The following PLEKHA5 variants were observed in gnomAD, a reference collection of about 807,000 sequenced individuals.
PLEKHA5 encodes the protein pleckstrin homology domain-containing family A member 5.
Under a neutral mutation model 181.9 loss-of-function variants are expected in PLEKHA5, and 55 were observed. That is an observed-to-expected ratio of 0.30 (90% CI 0.24 to 0.38). The LOEUF (loss-of-function observed/expected upper bound fraction) is 0.38. PLEKHA5 is among the 10% of genes least tolerant of loss of function. The pLI, the probability that PLEKHA5 is intolerant of heterozygous loss-of-function variation, is 1.00. For missense variants in PLEKHA5, 1,432 were observed against 1,549.5 expected (o/e 0.92, Z 1.27); for synonymous variants, 535 against 529.4 (o/e 1.01, Z -0.15).
intron 10 of PLEKHA5, among the ~76,000 whole-genome samples, chr12:19,271,217 T>C (rs982491303): frequency 2.0e-5 from 3 of 152,112 alleles, no homozygotes; most frequent in Non-Finnish European, 4.4e-5. Flanking sequence ...GAGAATTCAT[T>C]TAAAATCTTC....
intron 3 of PLEKHA5, among the ~76,000 whole-genome samples, chr12:19,187,033 G>A (rs924262829): frequency 2.0e-5 from 3 of 152,110 alleles, no homozygotes; most frequent in Non-Finnish European, 4.4e-5. Flanking sequence ...TTGGTTCACT[G>A]ATGTATCAAG....
intron 3 of PLEKHA5, among the ~76,000 whole-genome samples, chr12:19,240,902 A>C (rs1392868250): frequency 6.6e-6 from 1 of 152,154 alleles, no homozygotes; most frequent in Non-Finnish European, 1.5e-5. Context: ...GTGACTCTGC[A>C]ACTTTTCGAG....
At chr12:19,269,534 G>A (rs1231569452) in intron 8 of PLEKHA5, among the ~76,000 whole-genome samples, 1 of 146,046 alleles carries the variant, frequency 6.8e-6, no homozygotes, top group Admixed American at 6.9e-5. Context: ...TTTAATTTTA[G>A]AGTGTGCACA....
intron 3 of PLEKHA5, among the ~76,000 whole-genome samples, chr12:19,163,417 T>C (rs1290217690): frequency 1.3e-5 from 2 of 152,094 alleles, no homozygotes; most frequent in African/African-American, 4.8e-5. Flanking sequence ...GACCTCGTGA[T>C]CCGCCCACCT....
At chr12:19,186,224 C>T (rs569971935) in intron 3 of PLEKHA5, among the ~76,000 whole-genome samples, 6 of 152,124 alleles carry the variant, frequency 3.9e-5, no homozygotes, top group Non-Finnish European at 5.9e-5. Flanking sequence ...TAGAAAATGA[C>T]GATATATAGA....
At chr12:19,294,544 C>T (rs1201354357) in intron 15 of PLEKHA5, among the ~76,000 whole-genome samples, 3 of 152,094 alleles carry the variant, frequency 2.0e-5, no homozygotes, top group African/African-American at 4.8e-5. Flanking sequence ...CTTACTCTGC[C>T]TCCCCTAATA....
intron 3 of PLEKHA5, among the ~76,000 whole-genome samples, chr12:19,230,986 T>G (rs1386502830): frequency 1.3e-5 from 2 of 152,244 alleles, no homozygotes; most frequent in African/African-American, 2.4e-5. Context: ...GTTGCAGAGA[T>G]AGAATTGTCT....
At chr12:19,348,596 C>A in intron 25 of PLEKHA5, 77 bp downstream of exon 25, 5 of 1,130,172 alleles carry the variant, frequency 4.4e-6, no homozygotes, top group Non-Finnish European at 6.2e-6. Context: ...TAGTAAATTC[C>A]ATTTACATGT....
intron 3 of PLEKHA5, among the ~76,000 whole-genome samples, chr12:19,140,665 A>G (rs1179546548): frequency 2.0e-5 from 3 of 152,172 alleles, no homozygotes; most frequent in Non-Finnish European, 2.9e-5. Flanking sequence ...ATTGTAAGAA[A>G]AGCAAGCCTC....
At chr12:19,284,493 T>C (rs1163427788) in intron 12 of PLEKHA5, among the ~76,000 whole-genome samples, 1 of 152,260 alleles carries the variant, frequency 6.6e-6, no homozygotes, top group African/African-American at 2.4e-5. Context: ...GTGTTAACTT[T>C]ATCTTCTAAC....
intron 29 of PLEKHA5, 49 bp from the exon 30 acceptor site, chr12:19,365,915 A>T: frequency 7.5e-7 from 1 of 1,342,254 alleles, no homozygotes. Context: ...AGAAAAATTA[A>T]TTGTATTCTA....
intron 15 of PLEKHA5, among the ~76,000 whole-genome samples, chr12:19,298,408 C>CTTTTTTTTTTTTTTTTTTT (rs533661916): frequency 1.9e-5 from 2 of 106,332 alleles, no homozygotes; most frequent in African/African-American, 7.4e-5. Flanking sequence ...ATTTTTTTAG[C>CTTTTTTTTTTTTTTTTTTT]TTTTTTTTTT....
Position 19,274,584 on chromosome 12 carries a change from TA to T in PLEKHA5, c.916del (p.Ile306LeufsTer14). On this transcript the variant is annotated frameshift_variant, in exon 11 of 32. Transcript: ENST00000429027. LOFTEE classifies it high-confidence loss of function. ...AATAACATTCCCAACCATAGAGTGC[TA>T]ATTAAACCAGAGATCCAAAACAATC... The part of the protein sequence containing the change: ...ETNNIPNHRV[L>X]IKPEIQNNQK... 2 of 1,613,634 alleles carry T rather than the reference TA, an allele frequency of 1.2e-6. No individual in the cohort carries two copies. The highest frequency in any genetic ancestry group is 1.7e-6 in the Non-Finnish European group (2 of 1,179,718).
intron 3 of PLEKHA5, among the ~76,000 whole-genome samples, chr12:19,248,098 C>G (rs1186968142): frequency 6.6e-6 from 1 of 151,956 alleles, no homozygotes; most frequent in African/African-American, 2.4e-5. Flanking sequence ...TGGCGTGCAC[C>G]TTTAGTCCCA....
At chr12:19,363,339 T>A (rs1048448274) in intron 29 of PLEKHA5, among the ~76,000 whole-genome samples, 4 of 151,628 alleles carry the variant, frequency 2.6e-5, no homozygotes, top group African/African-American at 9.7e-5. Context: ...TTTATTTTTT[T>A]TTTTATTTTT....
intron 3 of PLEKHA5, chr12:19,149,504 A>C (rs968559372): frequency 1.7e-5 from 2 of 116,676 alleles, no homozygotes; most frequent in African/African-American, 7.1e-5. Context: ...ACTCCATCTC[A>C]AAAAAAAAAA....
chr12:19,140,293 A>C (rs777910229), intron 3 of PLEKHA5, among the ~76,000 whole-genome samples: 1 of 152,144 alleles, frequency 6.6e-6, no homozygotes, highest in African/African-American at 2.4e-5. Flanking sequence ...GAAAACAAGG[A>C]AATATATTAC....
rs202123950 is a variant in PLEKHA5 at position 19,257,399 on chromosome 12, A to C, written c.433-34A>C. 303 of 1,041,912 alleles carry C rather than the reference A, an allele frequency of 2.9e-4. No homozygotes were observed. In the East Asian group the frequency reaches 3.6e-3, roughly 12 times the overall value. 64.5% of individuals were successfully genotyped at this position (1,041,912 alleles called of 1,614,324 possible). On this transcript the variant is annotated intron_variant, in intron 5 of 31. Coordinates refer to ENST00000429027, the MANE Select transcript of PLEKHA5 (RefSeq NM_001256470.2). ...TAAGCTCAAATCTCTAGGCATTAAT[A>C]CCACATTTTCTGTCATGCTCTTTTT...
In PLEKHA5 at chr12:19,274,657, A is replaced by C; in HGVS notation, c.987A>C (p.Glu329Asp). 6.2e-7 allele frequency: 1 copy of C among 1,613,962 alleles called. No individual in the cohort carries two copies. Among genetic ancestry groups the C allele is most frequent in the Non-Finnish European group, 8.5e-7 (1 of 1,179,824 alleles). ...AAATTGAAGAAAAAAAGGCATTAGA[A>C]GCTGAAAAATATGGATTTCAGAAGG... ...MSKIEEKKAL[E>D]AEKYGFQKDG... Residue 329 changes from glutamate (E) to aspartate (D), a missense_variant, in exon 11 of 32, where the codon GAA (glutamate) becomes GAC (aspartate). Transcript: ENST00000429027.
Sources: gnomAD v4.1 joint callset for allele counts (sites outside exome capture counted in the v4.1 genomes callset) on GRCh38, gnomAD v4.1.1 for gene constraint, MANE v1.5 for transcripts, NCBI Gene and HGNC (gene_info 2026-07-23, HGNC 2026-07-21) for gene names.